SMAGP: variants seen among roughly 807,000 people sequenced by gnomAD.
SMAGP encodes the protein small cell adhesion glycoprotein, also known as small cell transmembrane and glycosylated protein.
Under a neutral mutation model 10.1 loss-of-function variants are expected in SMAGP, and 7 were observed. That is an observed-to-expected ratio of 0.70 (90% CI 0.40 to 1.31). SMAGP has a LOEUF of 1.31. SMAGP is among the 50% of genes most tolerant of loss of function. SMAGP has a pLI of 0.01. For synonymous variants in SMAGP, 49 were observed against 47.2 expected (o/e 1.04, Z -0.16); for missense variants, 113 against 116.5 (o/e 0.97, Z 0.14).
At position 51,269,113 on chromosome 12, in the gene SMAGP, G is replaced by A; in HGVS notation, c.34+132C>T. ...ACACTCTAGTTCCTGCTTCCTCCCA[G>A]GCCCTTCCTGTGTGAGGCAGGCAGA... On this transcript the variant is annotated intron_variant, in intron 2 of 3. Coordinates refer to ENST00000603798, the MANE Select transcript of SMAGP (RefSeq NM_001031628.2). 3 of 934,740 alleles carry A rather than the reference G, an allele frequency of 3.2e-6. No individual in the cohort carries two copies. The East Asian group carries it at 7.4e-5, about 23-fold the overall frequency. The allele number at this position is 934,740 out of a possible 1,614,324, so 57.9% of individuals were successfully genotyped here.
intron 2 of SMAGP, among the ~76,000 whole-genome samples, chr12:51,256,037 C>T (rs1944881942): frequency 6.6e-6 from 1 of 152,208 alleles, no homozygotes; most frequent in South Asian, 2.1e-4. Context: ...TCCCAAAGTG[C>T]TGGCATTACA....
chr12:51,260,367 T>TTGTTG (rs1555167333), intron 2 of SMAGP, among the ~76,000 whole-genome samples: 3 of 149,328 alleles, frequency 2.0e-5, no homozygotes, highest in Non-Finnish European at 4.5e-5. Flanking sequence ...GATTGTTTTT[T>TTGTTG]TTGTTGTTGT....
At chr12:51,255,276 G>T (rs1026593512) in intron 2 of SMAGP, among the ~76,000 whole-genome samples, 18 of 152,094 alleles carry the variant, frequency 1.2e-4, no homozygotes, top group Admixed American at 1.0e-3. Flanking sequence ...GGCTCAAATG[G>T]TTCTCCCTCC....
intron 2 of SMAGP, among the ~76,000 whole-genome samples, chr12:51,258,578 G>C (rs1944905256): frequency 6.6e-6 from 1 of 151,450 alleles, no homozygotes; most frequent in African/African-American, 2.4e-5. Context: ...GGCAACAAGA[G>C]TGAGACTCCA....
chr12:51,260,206 C>CTTTTTTT (rs1274632737), intron 2 of SMAGP, among the ~76,000 whole-genome samples: 11 of 104,906 alleles, frequency 1.0e-4, no homozygotes, highest in South Asian at 6.3e-4. Context: ...GTCATGGTTT[C>CTTTTTTT]TTTTTTTTTT....
At chr12:51,254,908 G>A (rs1217221079) in intron 2 of SMAGP, among the ~76,000 whole-genome samples, 1 of 152,192 alleles carries the variant, frequency 6.6e-6, no homozygotes, top group Non-Finnish European at 1.5e-5. Context: ...GAGAGGAGGA[G>A]CAGAGAAAGT....
Position 51,256,716 on chromosome 12 carries a change from G to A in SMAGP, c.35-9885C>T, listed in dbSNP as rs571523221. On this transcript the variant is annotated intron_variant, in intron 2 of 3. Coordinates refer to ENST00000603798, the MANE Select transcript of SMAGP (RefSeq NM_001031628.2). ...GCCTGGGCAATGAGAGCGAAACTCC[G>A]TCTCAAAACAAACAAACAAACAAAC... Among the ~76,000 whole-genome samples the A allele has an allele frequency of 6.6e-4, 95 of 143,674 alleles. 1 individual carries two copies. The highest frequency in any genetic ancestry group is 1.8e-3 in the African/African-American group (69 of 39,078). The allele number at this position is 143,674 out of a possible 152,430, so 94.3% of individuals were successfully genotyped here. A position where few individuals can be genotyped will look rare whatever the true frequency, so the allele number is the denominator to read the frequency against.
At chr12:51,267,715 G>A (rs753967237) in intron 2 of SMAGP, among the ~76,000 whole-genome samples, 21 of 151,914 alleles carry the variant, frequency 1.4e-4, no homozygotes, top group African/African-American at 4.8e-4. Context: ...GGCTGATCTC[G>A]AACTCCTGAG....
rs757470160 is a variant in SMAGP, at chr12:51,264,934, G to GA, written c.34+4310dup. Among the ~76,000 whole-genome samples the GA allele has an allele frequency of 7.7e-3, 528 of 68,604 alleles. 4 individuals are homozygous for GA. The highest frequency in any genetic ancestry group is 0.016 in the African/African-American group (318 of 20,244). The allele number at this position is 68,604 out of a possible 152,430, so 45.0% of individuals were successfully genotyped here. On this transcript the variant is annotated intron_variant, in intron 2 of 3. Coordinates refer to ENST00000603798, the MANE Select transcript of SMAGP (RefSeq NM_001031628.2). Reference sequence around the variant, plus strand: ...GTGACAGAGCAAGACTCCATCGCCAGAAAAAAAAAAAAAAAAAGAGAAAGA... The same window carrying GA: ...GTGACAGAGCAAGACTCCATCGCCAGAAAAAAAAAAAAAAAAAAGAGAAAGA...
chr12:51,264,549 C>A (rs1306921845), intron 2 of SMAGP, among the ~76,000 whole-genome samples: 2 of 151,728 alleles, frequency 1.3e-5, no homozygotes, highest in Admixed American at 6.6e-5. Flanking sequence ...TCCCTCAAGC[C>A]CAGATGTTTG....
intron 2 of SMAGP, among the ~76,000 whole-genome samples, chr12:51,266,614 T>C (rs1035348869): frequency 6.6e-6 from 1 of 152,206 alleles, no homozygotes; most frequent in African/African-American, 2.4e-5. Flanking sequence ...AATCTCTTAC[T>C]GTGCCTAATT....
intron 1 of SMAGP, 185 bp downstream of exon 1, chr12:51,270,071 G>A (rs924517723): frequency 6.6e-6 from 1 of 151,862 alleles, no homozygotes; most frequent in African/African-American, 2.4e-5. Context: ...GCACCCCGCG[G>A]AGCGCGCTGC....
At chr12:51,249,179 TC>T (rs1186527330) in intron 2 of SMAGP, among the ~76,000 whole-genome samples, 2 of 151,656 alleles carry the variant, frequency 1.3e-5, no homozygotes, top group Admixed American at 6.6e-5. Context: ...TCCGCCCCCC[TC>T]CCCACACCTC....
chr12:51,261,602 T>A (rs1245511819), intron 2 of SMAGP, among the ~76,000 whole-genome samples: 1 of 152,158 alleles, frequency 6.6e-6, no homozygotes, highest in Non-Finnish European at 1.5e-5. Flanking sequence ...GGACAAAAGC[T>A]ACGTAGCATC....
chr12:51,258,084 T>A (rs1216377125), intron 2 of SMAGP, among the ~76,000 whole-genome samples: 1 of 152,144 alleles, frequency 6.6e-6, no homozygotes, highest in African/African-American at 2.4e-5. Context: ...GGAGGATTCC[T>A]TGAGCCCAGG....
intron 1 of SMAGP, 22 bp from the exon 2 acceptor site, chr12:51,269,338 C>A: frequency 1.2e-6 from 2 of 1,603,912 alleles, no homozygotes; most frequent in Non-Finnish European, 1.7e-6. Flanking sequence ...GGGGCAAAGA[C>A]AGGAATGTAG....
At chr12:51,248,434 A>T (rs6580818) in intron 2 of SMAGP, among the ~76,000 whole-genome samples, 87 of 77,560 alleles carry the variant, frequency 1.1e-3, no homozygotes, top group Middle Eastern at 6.9e-3. Context: ...ACACACACAC[A>T]CTCTCTCTCT....
chr12:51,268,586 T>TCCTCACTCCTCCCTC, intron 2 of SMAGP, among the ~76,000 whole-genome samples: 1 of 138,134 alleles, frequency 7.2e-6, no homozygotes, highest in Non-Finnish European at 1.5e-5. Context: ...TCCTTTCCTT[T>TCCTCACTCCTCCCTC]CCTCCCTCCC....
intron 2 of SMAGP, among the ~76,000 whole-genome samples, chr12:51,256,397 G>A (rs1482721062): frequency 6.6e-6 from 1 of 151,920 alleles, no homozygotes; most frequent in African/African-American, 2.4e-5. Flanking sequence ...AGCAGCCTGG[G>A]CAACATAGTG....
Sources: allele counts gnomAD v4.1 joint callset (sites outside exome capture counted in the v4.1 genomes callset), GRCh38; gene constraint gnomAD v4.1.1; transcripts MANE v1.5; gene names NCBI Gene and HGNC (gene_info 2026-07-23, HGNC 2026-07-21).